The following HOXC4 variants were observed in gnomAD, a reference collection of about 807,000 sequenced individuals.
HOXC4 encodes homeobox C4, also known as homeobox protein Hox-C4.
HOXC4 carries 15 observed loss-of-function variants against 25.5 expected under a neutral mutation model. That is an observed-to-expected ratio of 0.59 (90% CI 0.39 to 0.91). HOXC4 has a LOEUF of 0.91. Ranked by LOEUF, HOXC4 falls within the 40% of genes least tolerant of loss-of-function variation. The pLI, the probability that HOXC4 is intolerant of heterozygous loss-of-function variation, is 0.00. For missense variants in HOXC4, 342 were observed against 352.4 expected (o/e 0.97, Z 0.24); for synonymous variants, 165 against 148.0 (o/e 1.11, Z -0.83).
At chr12:54,017,016 T>G (rs949078895) in exon 1 of HOXC4, 1 of 144,012 alleles carries the variant, frequency 6.9e-6, no homozygotes, top group African/African-American at 2.5e-5. Context: ...TAATTTTTTT[T>G]CCTCCCAGGT....
chr12:54,024,506 C>T (rs1358589768), intron 1 of HOXC4, among the ~76,000 whole-genome samples: 1 of 152,216 alleles, frequency 6.6e-6, no homozygotes, highest in African/African-American at 2.4e-5. Context: ...TAAGGAGGAC[C>T]TCTGGAAAAT....
At chr12:54,019,361 G>A (rs1191364708) in intron 1 of HOXC4, among the ~76,000 whole-genome samples, 1 of 152,188 alleles carries the variant, frequency 6.6e-6, no homozygotes, top group African/African-American at 2.4e-5. Context: ...GATGCCCCGC[G>A]GATCCAGCCT....
At position 54,054,221 on chromosome 12, in the gene HOXC4, C is replaced by G. The variant is rs762742062; in HGVS notation, c.299C>G (p.Pro100Arg). 1 of 1,612,260 alleles carries G rather than the reference C, an allele frequency of 6.2e-7. No homozygotes were observed. The change falls in exon 1 of 2, where the codon CCG (proline) becomes CGG (arginine). Residue 100 changes from proline to arginine, a missense_variant. By Grantham distance (103) the Pro-to-Arg change is moderately radical. Coordinates refer to ENST00000430889, the MANE Select transcript of HOXC4 (RefSeq NM_153633.3). The part of the protein sequence containing the change: ...HPEKSQSLCE[P>R]APLSGASASP... ...GAGAAATCACAGTCGCTCTGCGAGC[C>G]GGCGCCTCTCTCAGGCGCCTCCGCC...
At chr12:54,037,984 C>T (rs568671084) in intron 1 of HOXC4, 1 of 152,324 alleles carries the variant, frequency 6.6e-6, no homozygotes, top group East Asian at 1.9e-4. Flanking sequence ...AGAGAGGTTA[C>T]ATCTTCGCAA....
chr12:54,028,429 G>A, intron 1 of HOXC4: 2 of 1,381,602 alleles, frequency 1.4e-6, no homozygotes, highest in Admixed American at 2.1e-5. Flanking sequence ...TCCTGGATTG[G>A]AGCCGTCCCT....
At chr12:54,027,575 C>T (rs549262330) in intron 1 of HOXC4, among the ~76,000 whole-genome samples, 24 of 152,344 alleles carry the variant, frequency 1.6e-4, no homozygotes, top group Non-Finnish European at 2.5e-4. Context: ...CTCTCTTTCT[C>T]TCTGTCTTTC....
At position 54,054,168 on chromosome 12, in the gene HOXC4, G is replaced by A. The variant is rs748541582; in HGVS notation, c.246G>A (p.Gly82=). The A allele has an allele frequency of 1.2e-6, 2 of 1,613,642 alleles. No homozygotes were observed. The highest frequency in any genetic ancestry group is 1.7e-5 in the Admixed American group (1 of 59,998). The part of the protein sequence containing the change: ...LQGPGNSRGH[G]PAQAGHHHPE... ...GGCCCGGCAATTCGCGAGGCCACGGGCCGGCCCAGGCGGGCCACCACCACC... is the reference window on the plus strand; with the variant it reads ...GGCCCGGCAATTCGCGAGGCCACGGACCGGCCCAGGCGGGCCACCACCACC... The change falls in exon 1 of 2, where the codon GGG becomes GGA. Residue 82 remains glycine, a synonymous_variant. Transcript: ENST00000430889.
intron 1 of HOXC4, among the ~76,000 whole-genome samples, chr12:54,048,294 T>C (rs1351690434): frequency 6.6e-6 from 1 of 151,924 alleles, no homozygotes; most frequent in Non-Finnish European, 1.5e-5. Context: ...GAGACCGCGC[T>C]CTCCAAAGTT....
At chr12:54,033,439 C>T (rs745951201) in intron 1 of HOXC4, 4 of 1,601,412 alleles carry the variant, frequency 2.5e-6, no homozygotes, top group African/African-American at 1.3e-5. Context: ...GCGGCTCGCC[C>T]GGCGCTGGAG....
intron 1 of HOXC4, chr12:54,022,161 C>T (rs1399336120): frequency 6.6e-6 from 1 of 152,140 alleles, no homozygotes; most frequent in Non-Finnish European, 1.5e-5. Context: ...AGCCCACCCC[C>T]ATCAACCCAG....
intron 1 of HOXC4, among the ~76,000 whole-genome samples, chr12:54,038,308 T>C (rs1446021816): frequency 6.6e-6 from 1 of 152,188 alleles, no homozygotes; most frequent in Non-Finnish European, 1.5e-5. Context: ...TTCCTGACCC[T>C]TTCAGTTGAG....
chr12:54,034,246 C>G (rs769479523), intron 1 of HOXC4: 3 of 1,590,644 alleles, frequency 1.9e-6, no homozygotes, highest in East Asian at 2.2e-5. Flanking sequence ...CTATTCACCC[C>G]TTCCTGGCTT....
At chr12:54,024,083 C>T (rs1940571673) in intron 1 of HOXC4, among the ~76,000 whole-genome samples, 2 of 152,354 alleles carry the variant, frequency 1.3e-5, no homozygotes, top group East Asian at 1.9e-4. Flanking sequence ...CGCTCCAGAA[C>T]AGCAAAGCCT....
At chr12:54,033,565 A>G (rs1941076787) in intron 1 of HOXC4, 2 of 1,585,464 alleles carry the variant, frequency 1.3e-6, no homozygotes, top group Non-Finnish European at 1.7e-6. Flanking sequence ...ACCAAACTGC[A>G]CATGAGCCAC....
chr12:54,054,346 A>T lies in HOXC4; in HGVS notation c.424A>T (p.Ile142Phe). ...CATAGTCTACCCATGGATGAAAAAA[A>T]TTCACGTTAGCACGGGTAGGCAACT... is the stretch of plus-strand genomic sequence containing the variant. Reference protein sequence around the residue: ...QPIVYPWMKKIHVSTVNPNYN... With the variant: ...QPIVYPWMKKFHVSTVNPNYN... The change falls in exon 1 of 2, where the codon ATT becomes TTT. Residue 142 changes from isoleucine to phenylalanine, a missense_variant. Physicochemically the swap from Ile to Phe is conservative, Grantham distance 21 (BLOSUM62 0). Transcript: ENST00000430889. 1 of 1,562,780 alleles carries T rather than the reference A, an allele frequency of 6.4e-7. No homozygotes were observed. Among genetic ancestry groups the T allele is most frequent in the Non-Finnish European group, 8.6e-7 (1 of 1,156,758 alleles).
intron 1 of HOXC4, 108 bp downstream of exon 1, chr12:54,054,469 T>A (rs569032572): frequency 4.8e-6 from 3 of 621,140 alleles, no homozygotes; most frequent in Non-Finnish European, 8.1e-6. Context: ...CTTCCCCCTC[T>A]CTCTCCAGGA....
At chr12:54,022,057 G>A (rs1592223458) in intron 1 of HOXC4, 1 of 152,222 alleles carries the variant, frequency 6.6e-6, no homozygotes, top group African/African-American at 2.4e-5. Flanking sequence ...CCCTGTGGTG[G>A]ACAGACTTCT....
Position 54,055,855 on chromosome 12 carries a change from G to A in HOXC4, c.*650G>A, listed in dbSNP as rs1451918272. ...TGAGGAGCCAAAAGAAAATCAAAAT[G>A]AACTTTCAGTTCAGAGAGGCAGTCT... On this transcript the variant is annotated 3_prime_UTR_variant, in exon 2 of 2. Coordinates refer to ENST00000430889, the MANE Select transcript of HOXC4 (RefSeq NM_153633.3). 2 of 152,594 alleles carry A rather than the reference G, an allele frequency of 1.3e-5. No homozygotes were observed. The highest frequency in any genetic ancestry group is 6.5e-5 in the Admixed American group (1 of 15,276). The allele number at this position is 152,594 out of a possible 1,614,324, so 9.5% of individuals were successfully genotyped here. A position where few individuals can be genotyped will look rare whatever the true frequency, so the allele number is the denominator to read the frequency against.
chr12:54,038,485 G>A (rs1941222810), intron 1 of HOXC4, among the ~76,000 whole-genome samples: 1 of 152,230 alleles, frequency 6.6e-6, no homozygotes, highest in Admixed American at 6.5e-5. Flanking sequence ...GGGAAGGAGG[G>A]TTTTGTGGCT....
Sources: allele counts gnomAD v4.1 joint callset (sites outside exome capture counted in the v4.1 genomes callset), GRCh38; gene constraint gnomAD v4.1.1; transcripts MANE v1.5; gene names NCBI Gene and HGNC (gene_info 2026-07-23, HGNC 2026-07-21).